The following SOX5 variants were observed in gnomAD, a reference collection of about 807,000 sequenced individuals.
SOX5 encodes the protein transcription factor SOX-5.
Under a neutral mutation model 92.0 loss-of-function variants are expected in SOX5, and 9 were observed. That is an observed-to-expected ratio of 0.10 (90% confidence interval 0.06 to 0.17). SOX5 has a LOEUF of 0.17. Among genes scored for constraint, SOX5 ranks in the 10% least tolerant of loss-of-function variants. The pLI is 1.00. For synonymous variants in SOX5, 344 were observed against 336.3 expected, an observed-to-expected ratio of 1.02 and a Z score of -0.25; for missense variants, 642 against 944.5, an observed-to-expected ratio of 0.68 and a Z score of 4.20.
chr12:23,700,300 T>C (rs1424360484), intron 6 of SOX5, among the ~76,000 whole-genome samples: 4 of 152,170 alleles, frequency 2.6e-5, no homozygotes, highest in African/African-American at 7.2e-5. Flanking sequence ...TCTCTGATCC[T>C]AATGTTGCTG....
intron 3 of SOX5, among the ~76,000 whole-genome samples, chr12:24,266,559 G>T (rs1943044570): frequency 6.6e-6 from 1 of 151,994 alleles, no homozygotes; most frequent in Non-Finnish European, 1.5e-5. Context: ...AATTTAATTT[G>T]AATTACTTGA....
upstream of SOX5, among the ~76,000 whole-genome samples, chr12:23,953,800 T>C (rs530552210): frequency 2.2e-4 from 34 of 152,148 alleles, no homozygotes; most frequent in African/African-American, 6.7e-4. Flanking sequence ...ATGACCAAAG[T>C]GCAACAGTAA....
At chr12:23,890,117 C>A (rs1443874610) in intron 2 of SOX5, among the ~76,000 whole-genome samples, 1 of 152,068 alleles carries the variant, frequency 6.6e-6, no homozygotes, top group Non-Finnish European at 1.5e-5. Context: ...GTCAGGAGTT[C>A]GAGACCAGCC....
At chr12:23,915,968 C>A (rs2097410960) in intron 1 of SOX5, among the ~76,000 whole-genome samples, 1 of 152,148 alleles carries the variant, frequency 6.6e-6, no homozygotes, top group African/African-American at 2.4e-5. Flanking sequence ...GAAAAAATCA[C>A]AAACTCTTAA....
chr12:24,535,818 C>T (rs1483544146), intron 1 of SOX5, among the ~76,000 whole-genome samples: 1 of 152,164 alleles, frequency 6.6e-6, no homozygotes. Flanking sequence ...TAAAGCTATT[C>T]TGCCTCTGAA....
intron 1 of SOX5, among the ~76,000 whole-genome samples, chr12:24,539,635 T>C (rs910673273): frequency 6.6e-6 from 1 of 152,164 alleles, no homozygotes; most frequent in Non-Finnish European, 1.5e-5. Flanking sequence ...TTTTAATTGT[T>C]TGCTCTCCTT....
At chr12:24,390,283 A>G (rs1173042029) in intron 1 of SOX5, among the ~76,000 whole-genome samples, 3 of 152,166 alleles carry the variant, frequency 2.0e-5, no homozygotes, top group Non-Finnish European at 4.4e-5. Flanking sequence ...TATGAACACT[A>G]TCTTCTATTA....
intron 1 of SOX5, among the ~76,000 whole-genome samples, chr12:24,525,506 T>C (rs1012760874): frequency 7.9e-5 from 12 of 152,062 alleles, no homozygotes; most frequent in Admixed American, 7.9e-4. Context: ...CTTAAAAATG[T>C]GTTAAGAGGG....
chr12:24,245,894 A>G (rs1378005926), intron 3 of SOX5, among the ~76,000 whole-genome samples: 3 of 152,212 alleles, frequency 2.0e-5, no homozygotes. Flanking sequence ...TGATAAAGAG[A>G]AGAAAATAAC....
At chr12:24,178,133 T>G (rs1184009435) in intron 4 of SOX5, among the ~76,000 whole-genome samples, 1 of 152,106 alleles carries the variant, frequency 6.6e-6, no homozygotes, top group Admixed American at 6.6e-5. Flanking sequence ...AGTAACAAAG[T>G]TTCTTTACAG....
At chr12:24,360,357 G>A (rs540225615) in intron 2 of SOX5, among the ~76,000 whole-genome samples, 17 of 152,216 alleles carry the variant, frequency 1.1e-4, no homozygotes, top group African/African-American at 1.7e-4. Context: ...GTGAAATTTC[G>A]TGTTTTCATC....
rs186295581 is a variant in SOX5, at chr12:24,079,526, G to A, written c.-2+133817C>T. On this transcript the variant is annotated intron_variant, in intron 4 of 4. Coordinates refer to the SOX5 transcript ENST00000446891. ...TGTTTTATTTATTTTTATTAAATGA[G>A]AGAACAGTAATTTGGTATTTATTCA... 1.9e-3 allele frequency among the ~76,000 whole-genome samples: 294 copies of A among 152,014 alleles called. 2 individuals carry two copies. The highest frequency in any genetic ancestry group is 6.7e-3 in the African/African-American group (280 of 41,504).
intron 1 of SOX5, among the ~76,000 whole-genome samples, chr12:23,921,099 T>A (rs1380378158): frequency 6.6e-6 from 1 of 152,190 alleles, no homozygotes; most frequent in Non-Finnish European, 1.5e-5. Flanking sequence ...CAATTACTGG[T>A]ACATAATCCA....
intron 4 of SOX5, among the ~76,000 whole-genome samples, chr12:24,153,388 A>G (rs71450417): frequency 0.047 from 7,108 of 152,258 alleles, 172 homozygotes; most frequent in South Asian, 0.081. Context: ...TCAAGACTGC[A>G]GCAAATTTAA....
At chr12:24,533,507 T>C (rs1951369721) in intron 1 of SOX5, among the ~76,000 whole-genome samples, 1 of 152,152 alleles carries the variant, frequency 6.6e-6, no homozygotes, top group South Asian at 2.1e-4. Flanking sequence ...AGGTAAGATA[T>C]GAGAGGGATA....
chr12:23,616,077 A>C (rs1156782332), intron 8 of SOX5, among the ~76,000 whole-genome samples: 2 of 152,208 alleles, frequency 1.3e-5, no homozygotes, highest in Non-Finnish European at 2.9e-5. Context: ...AGGTACAATG[A>C]GGGTTCTAAA....
chr12:24,182,906 GT>G (rs1955653994), intron 4 of SOX5, among the ~76,000 whole-genome samples: 1 of 152,092 alleles, frequency 6.6e-6, no homozygotes, highest in Non-Finnish European at 1.5e-5. Flanking sequence ...TAGATATGGG[GT>G]TTCATCATGT....
intron 3 of SOX5, among the ~76,000 whole-genome samples, chr12:24,263,483 G>A (rs1292630801): frequency 6.1e-5 from 8 of 130,654 alleles, no homozygotes; most frequent in Non-Finnish European, 1.2e-4. Flanking sequence ...AACCGAGGCC[G>A]TGTCACTGCA....
chr12:23,611,452 G>A (rs1220659872), intron 8 of SOX5, among the ~76,000 whole-genome samples: 1 of 151,202 alleles, frequency 6.6e-6, no homozygotes, highest in Non-Finnish European at 1.5e-5. Flanking sequence ...GGACAATAAG[G>A]TTGATTCCAT....
Sources: allele counts gnomAD v4.1 joint callset (sites outside exome capture counted in the v4.1 genomes callset), GRCh38; gene constraint gnomAD v4.1.1; transcripts MANE v1.5; gene names NCBI Gene and HGNC (gene_info 2026-07-23, HGNC 2026-07-21).